CSMD1: variants seen among roughly 807,000 people sequenced by gnomAD.
CSMD1 encodes CUB and Sushi multiple domains 1, also known as CUB and sushi domain-containing protein 1.
Under a neutral mutation model 417.5 loss-of-function variants are expected in CSMD1, and 213 were observed. The observed-to-expected ratio is 0.51, with a 90% CI of 0.46 to 0.57. CSMD1 has a LOEUF of 0.57. Ranked by LOEUF, CSMD1 falls within the 20% of genes least tolerant of loss-of-function variation. CSMD1 has a pLI of 0.00. For missense variants in CSMD1, 6,923 were observed against 4,529.7 expected (o/e 1.53, Z -15.17); for synonymous variants, 2,862 against 1,736.8 (o/e 1.65, Z -16.11).
intron 52 of CSMD1, among the ~76,000 whole-genome samples, chr8:3,003,170 C>G (rs1807565751): frequency 6.6e-6 from 1 of 152,152 alleles, no homozygotes; most frequent in Non-Finnish European, 1.5e-5. Flanking sequence ...TCACAGAATA[C>G]TCTTTAACCC....
intron 5 of CSMD1, among the ~76,000 whole-genome samples, chr8:3,783,445 G>C (rs1297703804): frequency 6.6e-6 from 1 of 152,332 alleles, no homozygotes; most frequent in Admixed American, 6.5e-5. Flanking sequence ...CTGATGGCAG[G>C]TCGGGAGCAC....
At chr8:4,815,840 A>G (rs1222896701) in intron 1 of CSMD1, among the ~76,000 whole-genome samples, 1 of 152,122 alleles carries the variant, frequency 6.6e-6, no homozygotes. Context: ...TTGGCTCCCA[A>G]GAAGGGCTGT....
At chr8:3,401,139 A>G (rs1316811119) in intron 15 of CSMD1, among the ~76,000 whole-genome samples, 5 of 151,914 alleles carry the variant, frequency 3.3e-5, no homozygotes, top group African/African-American at 1.2e-4. Flanking sequence ...TTAAATATAT[A>G]ACTTTTATTT....
intron 26 of CSMD1, among the ~76,000 whole-genome samples, chr8:3,247,139 C>T (rs188449810): frequency 4.5e-4 from 68 of 152,166 alleles, no homozygotes; most frequent in African/African-American, 1.5e-3. Flanking sequence ...CTCATTTGCC[C>T]CTAAATGTTT....
At chr8:4,140,853 G>T (rs1803743855) in intron 3 of CSMD1, among the ~76,000 whole-genome samples, 1 of 150,894 alleles carries the variant, frequency 6.6e-6, no homozygotes, top group Non-Finnish European at 1.5e-5. Context: ...TCAAATCTCT[G>T]CCCAAGAGGG....
intron 3 of CSMD1, among the ~76,000 whole-genome samples, chr8:4,042,035 G>C (rs769210477): frequency 2.0e-5 from 3 of 151,938 alleles, no homozygotes; most frequent in African/African-American, 4.8e-5. Context: ...ATGAACTTTG[G>C]GACATCTCCA....
intron 4 of CSMD1, among the ~76,000 whole-genome samples, 188 bp downstream of exon 4, chr8:4,031,717 A>T (rs1585168582): frequency 6.6e-6 from 1 of 152,232 alleles, no homozygotes; most frequent in Admixed American, 6.5e-5. Flanking sequence ...AAATGTTATT[A>T]CACATTACAT....
chr8:4,206,879 C>G (rs1256802429), intron 3 of CSMD1, among the ~76,000 whole-genome samples: 1 of 152,056 alleles, frequency 6.6e-6, no homozygotes, highest in African/African-American at 2.4e-5. Context: ...TATTATTTTT[C>G]CATAGTTCAG....
chr8:3,760,774 G>C (rs1007863699), intron 5 of CSMD1, among the ~76,000 whole-genome samples: 2 of 152,116 alleles, frequency 1.3e-5, no homozygotes, highest in African/African-American at 2.4e-5. Flanking sequence ...AAATGTCTGG[G>C]GGTCCCTCTG....
intron 7 of CSMD1, among the ~76,000 whole-genome samples, chr8:3,693,974 G>C (rs1444438292): frequency 1.3e-5 from 2 of 150,976 alleles, no homozygotes; most frequent in African/African-American, 4.9e-5. Flanking sequence ...TGTGTGTTGG[G>C]TATGTGTGTT....
At chr8:4,741,641 G>C (rs1029908616) in intron 1 of CSMD1, among the ~76,000 whole-genome samples, 3 of 152,098 alleles carry the variant, frequency 2.0e-5, no homozygotes, top group African/African-American at 2.4e-5. Context: ...GAACACACAC[G>C]AGTTTACTTA....
At chr8:4,908,433 AATCT>A (rs997483542) in intron 1 of CSMD1, among the ~76,000 whole-genome samples, 11 of 152,172 alleles carry the variant, frequency 7.2e-5, no homozygotes, top group African/African-American at 2.7e-4. Flanking sequence ...ATATTCCTCA[AATCT>A]ATCTTTCTCT....
At chr8:4,897,084 C>T (rs774456729) in intron 1 of CSMD1, among the ~76,000 whole-genome samples, 1 of 151,948 alleles carries the variant, frequency 6.6e-6, no homozygotes, top group African/African-American at 2.4e-5. Context: ...TCCTGAGTGC[C>T]TACAATTTCA....
chr8:4,115,057 T>A (rs745686626), intron 3 of CSMD1, among the ~76,000 whole-genome samples: 13 of 152,200 alleles, frequency 8.5e-5, no homozygotes, highest in Admixed American at 5.2e-4. Context: ...TTTGAAAGAA[T>A]TGCTACTCCG....
At position 3,795,179 on chromosome 8, in the gene CSMD1, C is replaced by CTATAGATACCTATCATGTACAGA. The variant is rs1585010044; in HGVS notation, c.819-41160_819-41138dup. ...AGCTATAGATACCTATCATGTACAG[C>CTATAGATACCTATCATGTACAGA]TATAGATACCTATCATGTACAGATA... On this transcript the variant is annotated intron_variant, in intron 5 of 69. Transcript: ENST00000635120. Among the ~76,000 whole-genome samples, 11 of 38,214 alleles carry CTATAGATACCTATCATGTACAGA rather than the reference C, an allele frequency of 2.9e-4. 2 individuals are homozygous for CTATAGATACCTATCATGTACAGA. The highest frequency in any genetic ancestry group is 2.8e-3 in the South Asian group (3 of 1,062). 25.1% of individuals were successfully genotyped at this position (38,214 alleles called of 152,430 possible).
At chr8:3,261,529 AAAAG>A (rs1356532737) in intron 26 of CSMD1, among the ~76,000 whole-genome samples, 1 of 152,184 alleles carries the variant, frequency 6.6e-6, no homozygotes, top group Non-Finnish European at 1.5e-5. Context: ...AATAATTTTG[AAAAG>A]AAAACCTGCG....
At chr8:4,352,944 T>G (rs1801184382) in intron 3 of CSMD1, among the ~76,000 whole-genome samples, 1 of 152,242 alleles carries the variant, frequency 6.6e-6, no homozygotes, top group South Asian at 2.1e-4. Context: ...AATACGAGCT[T>G]GTAGGGCTAA....
intron 3 of CSMD1, among the ~76,000 whole-genome samples, chr8:4,326,122 T>A (rs1052303505): frequency 6.6e-6 from 1 of 152,154 alleles, no homozygotes; most frequent in African/African-American, 2.4e-5. Flanking sequence ...GGCCCTACCG[T>A]CAGCGTTTCT....
chr8:3,709,028 T>G (rs1470548599), intron 6 of CSMD1, among the ~76,000 whole-genome samples: 1 of 152,136 alleles, frequency 6.6e-6, no homozygotes, highest in Non-Finnish European at 1.5e-5. Context: ...ACACCACCAG[T>G]CCCTCCAGAC....
Sources: gnomAD v4.1 joint callset for allele counts (sites outside exome capture counted in the v4.1 genomes callset) on GRCh38, gnomAD v4.1.1 for gene constraint, MANE v1.5 for transcripts, NCBI Gene and HGNC (gene_info 2026-07-23, HGNC 2026-07-21) for gene names.